ERC2: variants seen among roughly 807,000 people sequenced by gnomAD.
The protein encoded by ERC2 is ELKS/RAB6-interacting/CAST family member 2.
Under a neutral mutation model 114.8 loss-of-function variants are expected in ERC2, and 42 were observed. The observed-to-expected ratio is 0.37, with a 90% CI of 0.29 to 0.47. ERC2 has a LOEUF of 0.47. Ranked by LOEUF, ERC2 falls within the 20% of genes least tolerant of loss-of-function variation. The pLI is 0.99. For missense variants in ERC2, 939 were observed against 1,150.7 expected, an observed-to-expected ratio of 0.82 and a Z score of 2.66; for synonymous variants, 454 against 425.5, an observed-to-expected ratio of 1.07 and a Z score of -0.82.
intron 17 of ERC2, among the ~76,000 whole-genome samples, chr3:55,676,303 A>ATATTGTCTTAT (rs2148754844): frequency 6.6e-6 from 1 of 151,976 alleles, no homozygotes; most frequent in South Asian, 2.1e-4. Context: ...GGTGTAAGAC[A>ATATTGTCTTAT]ATTGTCACAT....
At chr3:56,291,507 A>C (rs2055083044) in intron 3 of ERC2, among the ~76,000 whole-genome samples, 1 of 152,148 alleles carries the variant, frequency 6.6e-6, no homozygotes, top group African/African-American at 2.4e-5. Flanking sequence ...ACTCCTGCCA[A>C]CTCCAAATCT....
chr3:55,515,756 C>T (rs1289478591), intron 17 of ERC2, among the ~76,000 whole-genome samples: 2 of 152,108 alleles, frequency 1.3e-5, no homozygotes, highest in African/African-American at 2.4e-5. Context: ...CCAGGACAGA[C>T]GCCCCAGGGA....
chr3:55,815,333 G>A (rs758671085), intron 14 of ERC2, among the ~76,000 whole-genome samples: 5 of 152,142 alleles, frequency 3.3e-5, no homozygotes, highest in Non-Finnish European at 5.9e-5. Context: ...ACATAATTAA[G>A]GTCACTGACG....
At chr3:56,140,292 C>A (rs1020030164) in intron 5 of ERC2, among the ~76,000 whole-genome samples, 23 of 152,158 alleles carry the variant, frequency 1.5e-4, no homozygotes, top group African/African-American at 5.3e-4. Context: ...CTCCTCCCCC[C>A]ATTTGGAAAT....
At chr3:56,115,660 G>C (rs921538987) in intron 6 of ERC2, among the ~76,000 whole-genome samples, 3 of 152,120 alleles carry the variant, frequency 2.0e-5, no homozygotes, top group Non-Finnish European at 4.4e-5. Context: ...TCAAGGACCT[G>C]AGTGTATGAA....
intron 4 of ERC2, among the ~76,000 whole-genome samples, chr3:56,155,326 G>T (rs1468794533): frequency 1.7e-5 from 2 of 121,138 alleles, no homozygotes; most frequent in South Asian, 5.2e-4. Context: ...ATCCAGAAGA[G>T]AAAAGATCTC....
chr3:55,800,516 A>G (rs900141233), intron 14 of ERC2, among the ~76,000 whole-genome samples: 2 of 152,140 alleles, frequency 1.3e-5, no homozygotes, highest in Non-Finnish European at 2.9e-5. Context: ...ATAAAAAAAG[A>G]CAATGCTCAT....
intron 3 of ERC2, among the ~76,000 whole-genome samples, chr3:56,231,329 G>A (rs1343988657): frequency 6.6e-6 from 1 of 152,172 alleles, no homozygotes; most frequent in East Asian, 1.9e-4. Context: ...ATCATTGACT[G>A]AGCATTCTTT....
chr3:55,560,313 C>A (rs2055919367), intron 17 of ERC2, among the ~76,000 whole-genome samples: 1 of 152,176 alleles, frequency 6.6e-6, no homozygotes. Context: ...AAGGCTATTT[C>A]TTGCTCAAGA....
intron 17 of ERC2, chr3:55,610,496 T>C (rs1394293262): frequency 1.5e-5 from 2 of 133,750 alleles, no homozygotes; most frequent in African/African-American, 5.6e-5. Context: ...AAATCCCATC[T>C]CTACGGAAAA....
chr3:55,870,438 A>T (rs766352351), intron 14 of ERC2, among the ~76,000 whole-genome samples: 1 of 152,178 alleles, frequency 6.6e-6, no homozygotes, highest in African/African-American at 2.4e-5. Flanking sequence ...TGTTAAGTAG[A>T]TTTATTAAGA....
At chr3:55,865,997 G>A (rs981305432) in intron 14 of ERC2, among the ~76,000 whole-genome samples, 2 of 152,176 alleles carry the variant, frequency 1.3e-5, no homozygotes, top group Non-Finnish European at 1.5e-5. Flanking sequence ...GTGTCATATG[G>A]TAACTTTGTT....
At chr3:56,403,666 T>A (rs2060605481) in intron 2 of ERC2, among the ~76,000 whole-genome samples, 1 of 152,198 alleles carries the variant, frequency 6.6e-6, no homozygotes, top group South Asian at 2.1e-4. Flanking sequence ...TTAGTGTGCA[T>A]CCTAAAGTTT....
At chr3:56,249,271 G>T (rs1289025091) in intron 3 of ERC2, among the ~76,000 whole-genome samples, 1 of 152,090 alleles carries the variant, frequency 6.6e-6, no homozygotes, top group Non-Finnish European at 1.5e-5. Flanking sequence ...AAAACATGAG[G>T]CATGAGAGAC....
chr3:55,989,777 G>A (rs2070912771), intron 11 of ERC2, among the ~76,000 whole-genome samples: 1 of 152,114 alleles, frequency 6.6e-6, no homozygotes, highest in African/African-American at 2.4e-5. Flanking sequence ...ACACAGTATT[G>A]CACGTCAAGT....
intron 14 of ERC2, among the ~76,000 whole-genome samples, chr3:55,768,563 G>A (rs79218451): frequency 1.3e-5 from 2 of 152,212 alleles, no homozygotes; most frequent in African/African-American, 2.4e-5. Context: ...AGGGGAGAGG[G>A]TATACTTTAG....
intron 3 of ERC2, among the ~76,000 whole-genome samples, chr3:56,274,693 T>C (rs961935388): frequency 3.3e-5 from 5 of 152,190 alleles, no homozygotes; most frequent in African/African-American, 9.6e-5. Flanking sequence ...TAAATAAATG[T>C]TGCCAAAAAG....
At chr3:55,656,924 G>C (rs1347913027) in intron 17 of ERC2, among the ~76,000 whole-genome samples, 1 of 152,188 alleles carries the variant, frequency 6.6e-6, no homozygotes, top group Non-Finnish European at 1.5e-5. Context: ...TAGGGATGTT[G>C]GTTGAAGTAG....
intron 10 of ERC2, among the ~76,000 whole-genome samples, chr3:56,006,474 ATAATGT>A (rs2072503153): frequency 6.6e-6 from 1 of 152,074 alleles, no homozygotes; most frequent in Non-Finnish European, 1.5e-5. Flanking sequence ...GCTTAAACTC[ATAATGT>A]TATGAGTTTT....
Sources: gnomAD v4.1 joint callset for allele counts (sites outside exome capture counted in the v4.1 genomes callset) on GRCh38, gnomAD v4.1.1 for gene constraint, MANE v1.5 for transcripts, NCBI Gene and HGNC (gene_info 2026-07-23, HGNC 2026-07-21) for gene names.